Variants in AUTS2 observed in about 807,000 individuals in gnomAD.
AUTS2 encodes autism susceptibility gene 2 protein.
In AUTS2, 17 loss-of-function variants were observed where a neutral mutation model predicts 112.4. The ratio of observed to expected loss-of-function variants is 0.15; its 90% confidence interval spans 0.10 to 0.23. The LOEUF (loss-of-function observed/expected upper bound fraction) is 0.23, where lower values mean the gene tolerates loss of function less well. Among genes scored for constraint, AUTS2 ranks in the 10% least tolerant of loss-of-function variants. AUTS2 has a pLI of 1.00. For synonymous variants in AUTS2, 751 were observed against 702.7 expected (o/e 1.07, Z -1.09); for missense variants, 1,510 against 1,701.6 (o/e 0.89, Z 1.98).
intron 4 of AUTS2, among the ~76,000 whole-genome samples, chr7:70,420,057 C>T (rs751292412): frequency 4.6e-5 from 7 of 152,124 alleles, no homozygotes; most frequent in Non-Finnish European, 7.4e-5. Context: ...GGCTATGAGG[C>T]GGCTACTAAG....
At chr7:70,344,380 T>A (rs1233085702) in intron 4 of AUTS2, among the ~76,000 whole-genome samples, 1 of 152,146 alleles carries the variant, frequency 6.6e-6, no homozygotes, top group African/African-American at 2.4e-5. Context: ...TGATACTGAC[T>A]TTTCTCCAAT....
At chr7:70,349,083 A>G (rs922180189) in intron 4 of AUTS2, among the ~76,000 whole-genome samples, 9 of 152,212 alleles carry the variant, frequency 5.9e-5, no homozygotes, top group African/African-American at 2.2e-4. Context: ...AGTAGACACT[A>G]CTACTACTAT....
chr7:69,667,511 AC>A (rs924382338), intron 1 of AUTS2, among the ~76,000 whole-genome samples: 6 of 151,874 alleles, frequency 4.0e-5, no homozygotes, highest in Admixed American at 1.3e-4. Flanking sequence ...GCACGCCACC[AC>A]ACCTGGCTCA....
intron 2 of AUTS2, among the ~76,000 whole-genome samples, chr7:69,996,956 A>AAAAAAAAAAG (rs1430683606): frequency 1.3e-5 from 2 of 150,800 alleles, no homozygotes; most frequent in African/African-American, 4.9e-5. Context: ...TAAAAAAAAA[A>AAAAAAAAAAG]AAAAAAAAGC....
At chr7:70,266,993 C>G (rs1787459531) in intron 4 of AUTS2, among the ~76,000 whole-genome samples, 1 of 152,212 alleles carries the variant, frequency 6.6e-6, no homozygotes, top group Non-Finnish European at 1.5e-5. Context: ...ACTCTCAATT[C>G]TATTGTTGGT....
At chr7:70,174,282 A>G (rs1808867995) in intron 4 of AUTS2, among the ~76,000 whole-genome samples, 1 of 152,230 alleles carries the variant, frequency 6.6e-6, no homozygotes, top group African/African-American at 2.4e-5. Flanking sequence ...TCTCTGTTCA[A>G]TTCTGTGGAG....
At chr7:70,347,397 T>A (rs748121671) in intron 4 of AUTS2, among the ~76,000 whole-genome samples, 31 of 152,204 alleles carry the variant, frequency 2.0e-4, no homozygotes, top group Non-Finnish European at 4.3e-4. Flanking sequence ...TGTGCCTCAC[T>A]CATCTTTGTG....
At chr7:69,628,146 A>G (rs193141714) in intron 1 of AUTS2, among the ~76,000 whole-genome samples, 2 of 152,318 alleles carry the variant, frequency 1.3e-5, no homozygotes. Context: ...GTTTATTCTA[A>G]GAACAGTCCC....
chr7:70,663,816 A>G (rs1169203123), intron 5 of AUTS2, among the ~76,000 whole-genome samples: 2 of 152,214 alleles, frequency 1.3e-5, no homozygotes, highest in African/African-American at 4.8e-5. Flanking sequence ...GCACATAATT[A>G]GTGGATAATA....
At chr7:69,762,343 G>A (rs952572602) in intron 1 of AUTS2, among the ~76,000 whole-genome samples, 1 of 109,130 alleles carries the variant, frequency 9.2e-6, no homozygotes, top group Non-Finnish European at 1.7e-5. Flanking sequence ...GTATCACCCA[G>A]TCACCCAGGT....
chr7:70,377,291 T>C (rs1793130859), intron 4 of AUTS2, among the ~76,000 whole-genome samples: 1 of 132,806 alleles, frequency 7.5e-6, no homozygotes, highest in Non-Finnish European at 1.6e-5. Flanking sequence ...CAAAGTCAGC[T>C]GAATGGTGTT....
chr7:70,369,169 G>A (rs1303346651), intron 4 of AUTS2, among the ~76,000 whole-genome samples: 1 of 152,172 alleles, frequency 6.6e-6, no homozygotes, highest in Non-Finnish European at 1.5e-5. Context: ...AACCATTGCA[G>A]GGAGAGAATA....
At chr7:70,714,377 A>T (rs547440401) in intron 6 of AUTS2, among the ~76,000 whole-genome samples, 1 of 152,330 alleles carries the variant, frequency 6.6e-6, no homozygotes, top group East Asian at 1.9e-4. Flanking sequence ...CAGACTTCAT[A>T]TCATTTTACG....
At chr7:69,967,986 C>T (rs1436305923) in intron 2 of AUTS2, among the ~76,000 whole-genome samples, 1 of 152,178 alleles carries the variant, frequency 6.6e-6, no homozygotes, top group Non-Finnish European at 1.5e-5. Flanking sequence ...TGCAATCTGA[C>T]GTTGCCGCTG....
At chr7:70,477,266 G>T (rs1289060149) in intron 5 of AUTS2, among the ~76,000 whole-genome samples, 1 of 152,144 alleles carries the variant, frequency 6.6e-6, no homozygotes, top group Non-Finnish European at 1.5e-5. Flanking sequence ...AGGGGTAGTG[G>T]TGTAGCTAAC....
chr7:70,569,747 C>T (rs1410155633), intron 5 of AUTS2, among the ~76,000 whole-genome samples: 1 of 152,180 alleles, frequency 6.6e-6, no homozygotes, highest in African/African-American at 2.4e-5. Context: ...TGAAGCCATG[C>T]TTTACAGTTG....
intron 2 of AUTS2, among the ~76,000 whole-genome samples, chr7:70,101,111 C>G (rs1239635417): frequency 6.6e-6 from 1 of 152,098 alleles, no homozygotes; most frequent in Non-Finnish European, 1.5e-5. Context: ...CTCCTGACGC[C>G]AGGTGATCTG....
At chr7:70,408,627 A>G (rs1381780977) in intron 4 of AUTS2, among the ~76,000 whole-genome samples, 1 of 152,190 alleles carries the variant, frequency 6.6e-6, no homozygotes, top group Middle Eastern at 3.2e-3. Flanking sequence ...TTGCCGACAA[A>G]GTACAGCCAT....
chr7:70,689,206 A>T (rs114606289), intron 5 of AUTS2, among the ~76,000 whole-genome samples: 2,428 of 152,172 alleles, frequency 0.016, 67 homozygotes, highest in African/African-American at 0.055. Context: ...AAAAATTTTT[A>T]AAAAATTAGC....
Sources: allele counts gnomAD v4.1 joint callset (sites outside exome capture counted in the v4.1 genomes callset), GRCh38; gene constraint gnomAD v4.1.1; transcripts MANE v1.5; gene names NCBI Gene and HGNC (gene_info 2026-07-23, HGNC 2026-07-21).